Variants in MYO16 observed in about 807,000 individuals in gnomAD.
MYO16 encodes unconventional myosin-XVI.
MYO16 carries 94 observed loss-of-function variants against 205.3 expected under a neutral mutation model. The ratio of observed to expected loss-of-function variants is 0.46; its 90% confidence interval spans 0.39 to 0.54. MYO16 has a LOEUF of 0.54. Among genes scored for constraint, MYO16 ranks in the 20% least tolerant of loss-of-function variants. The pLI, the probability that MYO16 is intolerant of heterozygous loss-of-function variation, is 0.00. For synonymous variants in MYO16, 988 were observed against 954.0 expected (o/e 1.04, Z -0.66); for missense variants, 2,315 against 2,387.5 (o/e 0.97, Z 0.63).
intron 4 of MYO16, among the ~76,000 whole-genome samples, chr13:108,741,424 A>C (rs1440408985): frequency 6.6e-6 from 1 of 152,160 alleles, no homozygotes; most frequent in Non-Finnish European, 1.5e-5. Flanking sequence ...TTAGCAGTAC[A>C]CTTGGGGGCC....
chr13:109,065,678 G>T, intron 27 of MYO16: 1 of 388,590 alleles, frequency 2.6e-6, no homozygotes, highest in Non-Finnish European at 4.9e-6. Flanking sequence ...GTTTCCAATG[G>T]TCATGAAGGG....
chr13:109,040,804 C>T (rs1594494443), intron 23 of MYO16, among the ~76,000 whole-genome samples: 1 of 152,212 alleles, frequency 6.6e-6, no homozygotes. Flanking sequence ...TGATCAGAAA[C>T]AAGACAAGGA....
At chr13:109,081,170 A>G (rs944176042) in intron 27 of MYO16, among the ~76,000 whole-genome samples, 2 of 152,212 alleles carry the variant, frequency 1.3e-5, no homozygotes, top group African/African-American at 4.8e-5. Context: ...TTAAAACTAT[A>G]AATTCTTCAT....
chr13:108,634,174 G>A (rs1186035813), intron 1 of MYO16, among the ~76,000 whole-genome samples: 4 of 152,050 alleles, frequency 2.6e-5, no homozygotes, highest in African/African-American at 9.7e-5. Context: ...TTGTTTCTAC[G>A]GTAGGCACGA....
chr13:108,990,557 C>A (rs1450607036), intron 20 of MYO16, among the ~76,000 whole-genome samples: 1 of 152,036 alleles, frequency 6.6e-6, no homozygotes, highest in Non-Finnish European at 1.5e-5. Flanking sequence ...ATTTTAATTT[C>A]TTGTTCTAAC....
chr13:109,052,533 T>G, intron 25 of MYO16, 58 bp downstream of exon 25: 1 of 1,320,154 alleles, frequency 7.6e-7, no homozygotes, highest in Non-Finnish European at 1.0e-6. Context: ...TATATTTGCT[T>G]CTTTTTTTTT....
chr13:108,919,305 C>G (rs1397248096), intron 16 of MYO16, among the ~76,000 whole-genome samples: 1 of 152,244 alleles, frequency 6.6e-6, no homozygotes. Context: ...CTTGGTGCCT[C>G]TTCAATCTCA....
chr13:108,965,262 G>A (rs1250859332), intron 20 of MYO16, among the ~76,000 whole-genome samples: 10 of 152,176 alleles, frequency 6.6e-5, no homozygotes, highest in Non-Finnish European at 1.3e-4. Context: ...ACTGGAATTT[G>A]TGGAGTAACT....
intron 27 of MYO16, among the ~76,000 whole-genome samples, chr13:109,057,484 C>T (rs1191597263): frequency 6.6e-6 from 1 of 151,956 alleles, no homozygotes; most frequent in Non-Finnish European, 1.5e-5. Context: ...TAAATCAAAG[C>T]TGGATATAAT....
chr13:109,132,645 A>G (rs1490797690), intron 31 of MYO16, among the ~76,000 whole-genome samples: 1 of 152,220 alleles, frequency 6.6e-6, no homozygotes, highest in Non-Finnish European at 1.5e-5. Flanking sequence ...GAAATGTGTC[A>G]AGGCTAGATT....
intron 6 of MYO16, among the ~76,000 whole-genome samples, chr13:108,794,922 A>G (rs1457791935): frequency 6.6e-6 from 1 of 152,158 alleles, no homozygotes; most frequent in Non-Finnish European, 1.5e-5. Context: ...GATTTAACTA[A>G]ATAGGTAAAA....
chr13:108,983,034 T>G (rs182587003), intron 20 of MYO16, among the ~76,000 whole-genome samples: 1 of 152,304 alleles, frequency 6.6e-6, no homozygotes, highest in African/African-American at 2.4e-5. Context: ...GATATCCGTC[T>G]CCCGACTGCC....
At chr13:108,848,011 G>A (rs1877614166) in intron 10 of MYO16, among the ~76,000 whole-genome samples, 1 of 152,184 alleles carries the variant, frequency 6.6e-6, no homozygotes, top group Non-Finnish European at 1.5e-5. Flanking sequence ...GCGGGAAAGA[G>A]GCGTGCAGCT....
upstream of MYO16, among the ~76,000 whole-genome samples, chr13:108,625,267 C>A (rs928729288): frequency 6.6e-6 from 1 of 152,150 alleles, no homozygotes; most frequent in African/African-American, 2.4e-5. Context: ...AGTGGTTTCA[C>A]AGGCAGGCCA....
chr13:108,575,360 C>T, the MYO16 span, among the ~76,000 whole-genome samples: 2 of 152,168 alleles, frequency 1.3e-5, no homozygotes, highest in Non-Finnish European at 2.9e-5. Context: ...TGCCTGCACA[C>T]CTCTAGGGAG....
At chr13:108,853,201 C>A (rs548906138) in intron 10 of MYO16, among the ~76,000 whole-genome samples, 2 of 152,152 alleles carry the variant, frequency 1.3e-5, no homozygotes, top group African/African-American at 4.8e-5. Context: ...TATGAGACTC[C>A]GCAAAGTGGA....
intron 33 of MYO16, among the ~76,000 whole-genome samples, chr13:109,177,396 A>G (rs1167673674): frequency 6.6e-6 from 1 of 152,136 alleles, no homozygotes; most frequent in Non-Finnish European, 1.5e-5. Context: ...CCTTAATTTA[A>G]TTGACTCTAT....
intron 20 of MYO16, among the ~76,000 whole-genome samples, chr13:108,976,797 TC>T: frequency 6.6e-6 from 1 of 152,322 alleles, no homozygotes; most frequent in Admixed American, 6.5e-5. Context: ...TTATATGCTA[TC>T]TTTTTTGGGA....
At chr13:108,845,020 G>A (rs571615517) in intron 10 of MYO16, among the ~76,000 whole-genome samples, 3 of 152,082 alleles carry the variant, frequency 2.0e-5, no homozygotes, top group African/African-American at 4.8e-5. Flanking sequence ...AGGGGGAGAG[G>A]GGAATGAGCT....
Sources: gnomAD v4.1 joint callset for allele counts (sites outside exome capture counted in the v4.1 genomes callset) on GRCh38, gnomAD v4.1.1 for gene constraint, MANE v1.5 for transcripts, NCBI Gene and HGNC (gene_info 2026-07-23, HGNC 2026-07-21) for gene names.